HS2ST1: variants seen among roughly 807,000 people sequenced by gnomAD.
HS2ST1 encodes heparan sulfate 2-O-sulfotransferase 1, also known as 2-O-sulfotransferase.
In HS2ST1, 18 loss-of-function variants were observed where a neutral mutation model predicts 42.9. The ratio of observed to expected loss-of-function variants is 0.42; its 90% CI spans 0.29 to 0.62. The LOEUF (loss-of-function observed/expected upper bound fraction) is 0.62. HS2ST1 is among the 20% of genes least tolerant of loss of function. The probability of loss-of-function intolerance (pLI) is 0.21; values close to 1 mark genes in which losing one functional copy is unlikely to be tolerated. For missense variants in HS2ST1, 334 were observed against 433.8 expected (o/e 0.77, Z 2.04); for synonymous variants, 146 against 152.9 (o/e 0.95, Z 0.33).
rs568897806 is a variant in HS2ST1 at position 87,081,242 on chromosome 1, G to A, written c.364-2952G>A. 1.2e-3 allele frequency among the ~76,000 whole-genome samples: 181 copies of A among 152,230 alleles called. 1 individual carries two copies. The highest frequency in any genetic ancestry group is 4.1e-3 in the African/African-American group (170 of 41,544). Reference sequence around the variant, plus strand: ...AGATATTTACAGAACATTTCATGCAGTGACTGCAGAATACACATTCTTCTC... The same window carrying A: ...AGATATTTACAGAACATTTCATGCAATGACTGCAGAATACACATTCTTCTC... On this transcript the variant is annotated intron_variant, in intron 2 of 6. Coordinates refer to ENST00000370550, the MANE Select transcript of HS2ST1 (RefSeq NM_012262.4).
chr1:86,956,755 C>T (rs1647689134), intron 1 of HS2ST1, among the ~76,000 whole-genome samples: 1 of 151,846 alleles, frequency 6.6e-6, no homozygotes, highest in Non-Finnish European at 1.5e-5. Flanking sequence ...AATATATTAC[C>T]CTATGGTGCT....
chr1:87,104,510 C>A lies in HS2ST1; in HGVS notation c.885C>A (p.Leu295=). The A allele has an allele frequency of 1.9e-6, 3 of 1,613,160 alleles. No homozygotes were observed. The highest frequency in any genetic ancestry group is 2.5e-6 in the Non-Finnish European group (3 of 1,179,252). ...TTAGGAAAACCACAGAGAAGAAACT[C>A]CCCACTAAACAAACCATTGCAAAAC... ...SHLRKTTEKK[L]PTKQTIAKLQ... Residue 295 remains leucine (L), a synonymous_variant, in exon 7 of 7, where the codon CTC becomes CTA. Transcript: ENST00000370550.
intron 1 of HS2ST1, among the ~76,000 whole-genome samples, chr1:86,964,746 T>C (rs1647994279): frequency 6.6e-6 from 1 of 152,210 alleles, no homozygotes; most frequent in Admixed American, 6.5e-5. Context: ...CAGACACACA[T>C]GTATATTTAT....
At chr1:87,043,524 T>A (rs1434641505) in intron 1 of HS2ST1, among the ~76,000 whole-genome samples, 1 of 152,092 alleles carries the variant, frequency 6.6e-6, no homozygotes, top group Admixed American at 6.5e-5. Context: ...TCCCCAAGAA[T>A]CAACTGCTGG....
At chr1:86,950,742 A>G (rs1647489900) in intron 1 of HS2ST1, among the ~76,000 whole-genome samples, 1 of 152,188 alleles carries the variant, frequency 6.6e-6, no homozygotes, top group South Asian at 2.1e-4. Context: ...AAATGTTAAC[A>G]ATTGGTCAGA....
At chr1:86,917,919 T>TTTTCCTTTACTTTAGGATAGCTTCTTTCC (rs941185311) in intron 1 of HS2ST1, among the ~76,000 whole-genome samples, 2 of 152,228 alleles carry the variant, frequency 1.3e-5, no homozygotes, top group African/African-American at 4.8e-5. Flanking sequence ...GATAGCTTAT[T>TTTTCCTTTACTTTAGGATAGCTTCTTTCC]TTTACTATAG....
chr1:86,987,077 T>TG (rs1386094878), intron 1 of HS2ST1, among the ~76,000 whole-genome samples: 3 of 149,300 alleles, frequency 2.0e-5, no homozygotes, highest in South Asian at 2.2e-4. Flanking sequence ...GGTTTTTTTT[T>TG]TTTTTTTTTT....
intron 1 of HS2ST1, among the ~76,000 whole-genome samples, chr1:87,004,114 G>A (rs1557512100): frequency 6.6e-6 from 1 of 152,112 alleles, no homozygotes; most frequent in Admixed American, 6.6e-5. Flanking sequence ...ATACTGGCCG[G>A]GCGTGGTGGC....
intron 1 of HS2ST1, among the ~76,000 whole-genome samples, chr1:87,002,764 C>T (rs912597382): frequency 1.3e-5 from 2 of 151,906 alleles, no homozygotes; most frequent in Non-Finnish European, 2.9e-5. Context: ...TTGTATAGGT[C>T]CCCTTTTTGG....
At chr1:87,079,236 C>T (rs1021442905) in intron 2 of HS2ST1, among the ~76,000 whole-genome samples, 13 of 152,002 alleles carry the variant, frequency 8.6e-5, no homozygotes, top group Non-Finnish European at 1.5e-4. Context: ...CTCCCGGGTC[C>T]AAGCGATTCT....
rs145106914 is a variant in HS2ST1 at position 87,080,959 on chromosome 1, T to G, written c.364-3235T>G. On this transcript the variant is annotated intron_variant, in intron 2 of 6. Transcript: ENST00000370550. ...CAGCCCCTGCCACCATGGGCTAAAG[T>G]GCTTGGGGGTCCTAAATAATGATAA... is the stretch of plus-strand genomic sequence containing the variant. Among the ~76,000 whole-genome samples, 320 of 152,260 alleles carry G rather than the reference T, an allele frequency of 2.1e-3. 3 individuals are homozygous for G. Among genetic ancestry groups the G allele is most frequent in the Non-Finnish European group, 3.6e-3 (247 of 68,022 alleles).
chr1:87,086,494 G>A lies in HS2ST1; in HGVS notation c.449+2215G>A, dbSNP rs557189451. 1.2e-3 allele frequency among the ~76,000 whole-genome samples: 183 copies of A among 152,232 alleles called. 1 individual carries two copies. Among genetic ancestry groups the A allele is most frequent in the African/African-American group, 4.1e-3 (172 of 41,548 alleles). ...AAATACTTGCTTTCAGGAGAAAGTG[G>A]TGAATTTGGCAAAATACTTATTTAA... On this transcript the variant is annotated intron_variant, in intron 3 of 6. Coordinates refer to ENST00000370550, the MANE Select transcript of HS2ST1 (RefSeq NM_012262.4).
At chr1:86,917,329 G>A (rs938310119) in intron 1 of HS2ST1, among the ~76,000 whole-genome samples, 16 of 152,102 alleles carry the variant, frequency 1.1e-4, no homozygotes, top group African/African-American at 3.6e-4. Flanking sequence ...GACCAGCCTC[G>A]CCAACATGGT....
intron 1 of HS2ST1, among the ~76,000 whole-genome samples, chr1:87,003,633 C>T (rs536450266): frequency 2.0e-5 from 3 of 152,146 alleles, no homozygotes; most frequent in South Asian, 4.2e-4. Flanking sequence ...CCATTGGTTC[C>T]GTACCTGGAT....
intron 1 of HS2ST1, among the ~76,000 whole-genome samples, chr1:87,007,005 G>A (rs917924575): frequency 6.6e-6 from 1 of 152,036 alleles, no homozygotes; most frequent in African/African-American, 2.4e-5. Flanking sequence ...TAGACTAAGT[G>A]AGTAATGCTG....
chr1:87,017,989 G>T (rs1649809164), intron 1 of HS2ST1, among the ~76,000 whole-genome samples: 1 of 151,932 alleles, frequency 6.6e-6, no homozygotes, highest in African/African-American at 2.4e-5. Context: ...TTTACCTAAG[G>T]TTTTCTCATC....
At chr1:87,021,647 C>T (rs1649956121) in intron 1 of HS2ST1, among the ~76,000 whole-genome samples, 1 of 152,056 alleles carries the variant, frequency 6.6e-6, no homozygotes, top group Non-Finnish European at 1.5e-5. Context: ...CCTGAGTAGT[C>T]GGAACTACAA....
At chr1:87,102,725 C>G (rs1652242648) in intron 5 of HS2ST1, among the ~76,000 whole-genome samples, 2 of 151,992 alleles carry the variant, frequency 1.3e-5, no homozygotes, top group Non-Finnish European at 2.9e-5. Flanking sequence ...TTCTTAGAAA[C>G]CAATTAATCA....
In HS2ST1 at chr1:87,106,738, TG is replaced by T. The variant is rs560318587; in HGVS notation, c.*2043del. On this transcript the variant is annotated 3_prime_UTR_variant, in exon 7 of 7. Coordinates refer to ENST00000370550, the MANE Select transcript of HS2ST1 (RefSeq NM_012262.4). ...GACTTTTATAGGTATTTCCTGAAAG[TG>T]TATACAAATTATTTCCTCGCCCAAA... 180 of 152,100 alleles carry T rather than the reference TG, an allele frequency of 1.2e-3. 1 individual carries two copies. Among genetic ancestry groups the T allele is most frequent in the African/African-American group, 4.1e-3 (169 of 41,530 alleles). The allele number at this position is 152,100 out of a possible 1,614,324, so 9.4% of individuals were successfully genotyped here.
Sources: gnomAD v4.1 joint callset for allele counts (sites outside exome capture counted in the v4.1 genomes callset) on GRCh38, gnomAD v4.1.1 for gene constraint, MANE v1.5 for transcripts, NCBI Gene and HGNC (gene_info 2026-07-23, HGNC 2026-07-21) for gene names.